The following TMCO5A variants were observed in gnomAD, a reference collection of about 807,000 sequenced individuals.
TMCO5A encodes transmembrane and coiled-coil domain-containing protein 5A.
A neutral mutation model predicts 42.3 loss-of-function variants in TMCO5A; 34 were observed. The observed-to-expected ratio is 0.80, with a 90% confidence interval of 0.61 to 1.07. The LOEUF is 1.07. TMCO5A is among the 50% of genes least tolerant of loss of function. TMCO5A has a pLI of 0.00. For synonymous variants in TMCO5A, 131 were observed against 115.6 expected (o/e 1.13, Z -0.86); for missense variants, 357 against 327.9 (o/e 1.09, Z -0.69).
At chr15:38,010,188 A>C in the TMCO5A span, among the ~76,000 whole-genome samples, 2 of 150,326 alleles carry the variant, frequency 1.3e-5, no homozygotes, top group African/African-American at 4.9e-5. Flanking sequence ...CCTGGCTAAG[A>C]CAGTGAAACC....
chr15:37,954,713 A>G (rs564609695), downstream of TMCO5A, among the ~76,000 whole-genome samples: 2 of 152,258 alleles, frequency 1.3e-5, 1 homozygote, highest in Admixed American at 1.3e-4. Flanking sequence ...TAAACAATGA[A>G]CCAATCAAAA....
the TMCO5A span, among the ~76,000 whole-genome samples, chr15:38,019,615 T>A: frequency 6.6e-6 from 1 of 152,042 alleles, no homozygotes; most frequent in South Asian, 2.1e-4. Context: ...TAGAGTTCAC[T>A]ATTTTCTTAA....
chr15:38,009,347 C>T, the TMCO5A span, among the ~76,000 whole-genome samples: 49 of 152,334 alleles, frequency 3.2e-4, 1 homozygote, highest in East Asian at 8.5e-3. Flanking sequence ...GAGCACAGCT[C>T]GCCTATTCTA....
chr15:37,943,435 T>G (rs1451904202), intron 10 of TMCO5A, 37 bp downstream of exon 10: 1 of 1,601,628 alleles, frequency 6.2e-7, no homozygotes, highest in East Asian at 2.2e-5. Flanking sequence ...CCTCACAGTG[T>G]CATTGCCTTT....
At chr15:37,984,188 A>G in the TMCO5A span, among the ~76,000 whole-genome samples, 2 of 152,160 alleles carry the variant, frequency 1.3e-5, no homozygotes, top group South Asian at 4.1e-4. Flanking sequence ...GAAATACATG[A>G]AGCTTTTTTT....
intron 11 of TMCO5A, among the ~76,000 whole-genome samples, chr15:37,948,261 T>C (rs1476184038): frequency 6.6e-6 from 1 of 152,074 alleles, no homozygotes; most frequent in Non-Finnish European, 1.5e-5. Context: ...CAAAGTAAAA[T>C]TGGTATTCAC....
chr15:37,936,425 T>C lies in TMCO5A; in HGVS notation c.102T>C (p.Leu34=), dbSNP rs1889513559. Residue 34 remains leucine, a synonymous_variant, in exon 3 of 12, where the codon CTT becomes CTC. Transcript: ENST00000319669. The part of the protein sequence containing the change: ...TQRIDEANQK[L]LLKIQEREDK... ...GAATAGATGAAGCAAATCAGAAACT[T>C]CTTCTCAAAATCCAAGAGAGGGAAG... 2 of 1,612,900 alleles carry C rather than the reference T, an allele frequency of 1.2e-6. No homozygotes were observed. The highest frequency in any genetic ancestry group is 1.7e-5 in the Admixed American group (1 of 59,916).
chr15:38,021,651 C>G, the TMCO5A span, among the ~76,000 whole-genome samples: 1 of 151,890 alleles, frequency 6.6e-6, no homozygotes, highest in Non-Finnish European at 1.5e-5. Context: ...CTTGAAATAT[C>G]CAAATGCTTA....
the TMCO5A span, among the ~76,000 whole-genome samples, chr15:37,979,831 G>A: frequency 6.6e-6 from 1 of 152,198 alleles, no homozygotes; most frequent in South Asian, 2.1e-4. Context: ...CAGGAGGGGT[G>A]AGATGGCTGG....
intron 11 of TMCO5A, among the ~76,000 whole-genome samples, chr15:37,948,913 G>A (rs1031786235): frequency 3.3e-5 from 5 of 152,034 alleles, no homozygotes; most frequent in African/African-American, 1.2e-4. Flanking sequence ...TGACCAAGGT[G>A]TTGTACTGAA....
At chr15:38,010,425 TCACACA>T in the TMCO5A span, among the ~76,000 whole-genome samples, 669 of 117,460 alleles carry the variant, frequency 5.7e-3, 15 homozygotes, top group African/African-American at 0.02. Flanking sequence ...CAGAGGGAGA[TCACACA>T]CACACACACA....
the TMCO5A span, among the ~76,000 whole-genome samples, chr15:38,017,222 C>A: frequency 6.6e-6 from 1 of 152,146 alleles, no homozygotes; most frequent in Non-Finnish European, 1.5e-5. Context: ...CATATAGAAT[C>A]AAATTAATTT....
chr15:37,982,631 TATA>T, the TMCO5A span, among the ~76,000 whole-genome samples: 7 of 108,284 alleles, frequency 6.5e-5, no homozygotes, highest in South Asian at 2.4e-4. Flanking sequence ...ATATCTAACA[TATA>T]ATATAGATAT....
At chr15:37,988,735 T>G in the TMCO5A span, among the ~76,000 whole-genome samples, 9 of 152,212 alleles carry the variant, frequency 5.9e-5, no homozygotes, top group South Asian at 1.9e-3. Context: ...AATATGCTGT[T>G]AAATTTAGTT....
chr15:38,031,856 C>T, the TMCO5A span, among the ~76,000 whole-genome samples: 1 of 152,304 alleles, frequency 6.6e-6, no homozygotes, highest in South Asian at 2.1e-4. Context: ...TAGCCCACTG[C>T]CCCTTGTGAG....
At chr15:37,961,068 GT>G (rs1326865728) in intron 11 of TMCO5A, among the ~76,000 whole-genome samples, 1 of 151,992 alleles carries the variant, frequency 6.6e-6, no homozygotes, top group Non-Finnish European at 1.5e-5. Flanking sequence ...ATTTATCTTT[GT>G]TTTTATTGCA....
intron 6 of TMCO5A, 81 bp downstream of exon 6, chr15:37,938,310 G>A (rs1420308105): frequency 1.5e-5 from 18 of 1,216,984 alleles, no homozygotes; most frequent in Non-Finnish European, 2.0e-5. Flanking sequence ...CAATGTCAAC[G>A]TTGTGACAAA....
chr15:37,934,985 T>C (rs1025131004), intron 1 of TMCO5A, among the ~76,000 whole-genome samples: 1 of 152,156 alleles, frequency 6.6e-6, no homozygotes. Flanking sequence ...CAGGGTTTTA[T>C]GTTGATAAAC....
chr15:37,986,377 G>A, the TMCO5A span, among the ~76,000 whole-genome samples: 2 of 141,914 alleles, frequency 1.4e-5, no homozygotes, highest in Non-Finnish European at 3.0e-5. Flanking sequence ...GGGGGTAAGG[G>A]ATGGTGTGTG....
Sources: gnomAD v4.1 joint callset for allele counts (sites outside exome capture counted in the v4.1 genomes callset) on GRCh38, gnomAD v4.1.1 for gene constraint, MANE v1.5 for transcripts, NCBI Gene and HGNC (gene_info 2026-07-23, HGNC 2026-07-21) for gene names.